ATM: variants seen among roughly 807,000 people sequenced by gnomAD.
ATM encodes ATM serine/threonine kinase.
A neutral mutation model predicts 387.0 loss-of-function variants in ATM; 308 were observed. That is an observed-to-expected ratio of 0.80 (90% confidence interval 0.73 to 0.87). The LOEUF is 0.87. Ranked by LOEUF, ATM falls within the 40% of genes least tolerant of loss-of-function variation. The pLI is 0.00. For missense variants in ATM, 3,312 were observed against 3,560.9 expected, an observed-to-expected ratio of 0.93 and a Z score of 1.78; for synonymous variants, 1,156 against 1,187.3, an observed-to-expected ratio of 0.97 and a Z score of 0.54.
intron 13 of ATM, among the ~76,000 whole-genome samples, chr11:108,255,582 C>T (rs1427758694): frequency 2.0e-5 from 3 of 151,724 alleles, no homozygotes; most frequent in Admixed American, 6.6e-5. Flanking sequence ...CCTGCCATCA[C>T]GCCCTGCTAA....
chr11:108,325,613 C>T, intron 46 of ATM, 69 bp downstream of exon 46: 5 of 1,312,796 alleles, frequency 3.8e-6, no homozygotes, highest in Non-Finnish European at 5.4e-6. Context: ...AAACAGAAAG[C>T]CTGAGGGAAA....
intron 39 of ATM, among the ~76,000 whole-genome samples, chr11:108,311,595 G>C (rs750662959): frequency 2.6e-4 from 39 of 152,062 alleles, no homozygotes; most frequent in Non-Finnish European, 5.6e-4. Flanking sequence ...CAACTCAGGA[G>C]GCTGAGGGAG....
chr11:108,296,979 A>G (rs955664867), intron 32 of ATM: 12 of 341,918 alleles, frequency 3.5e-5, no homozygotes, highest in Non-Finnish European at 5.0e-5. Flanking sequence ...AGTCCCTTCT[A>G]GCTTTAGTGT....
Position 108,295,010 on chromosome 11 carries a change from A to G in ATM, c.4860A>G (p.Gln1620=), listed in dbSNP as rs1057520446. ...RLEGLKDLRR[Q]LELHKDQMVD... ...AAGGACTAAAGGATCTTCGAAGACA[A>G]CTGGAACTACATAAAGATCAGATGG... Residue 1620 remains glutamine, a synonymous_variant, in exon 32 of 63, where the codon CAA becomes CAG. Transcript: ENST00000675843. 1 of 1,614,028 alleles carries G rather than the reference A, an allele frequency of 6.2e-7. No homozygotes were observed.
At chr11:108,259,185 A>G in intron 16 of ATM, 110 bp downstream of exon 16, 1 of 967,062 alleles carries the variant, frequency 1.0e-6, no homozygotes, top group Non-Finnish European at 1.6e-6. Context: ...AGCTCTTAAC[A>G]TTTTTACAAA....
chr11:108,293,734 C>T (rs2082942570), intron 31 of ATM, among the ~76,000 whole-genome samples: 2 of 151,192 alleles, frequency 1.3e-5, no homozygotes, highest in African/African-American at 2.4e-5. Flanking sequence ...AAAAATTAGT[C>T]GGGCATGGTG....
rs887280976 is a variant in ATM, at chr11:108,331,380, G to A, written c.7516-64G>A. 6.4e-6 allele frequency: 10 copies of A among 1,564,642 alleles called. No homozygotes were observed. In the African/African-American group the frequency reaches 1.4e-4, roughly 21 times the overall value. On this transcript the variant is annotated intron_variant, in intron 50 of 62. Transcript: ENST00000675843. ...AGCACTGTCTTAAAATAACTTACTT[G>A]CTTAGATGTGAGAATATTTGAAATA...
At position 108,365,219 on chromosome 11, in the gene ATM, G is replaced by A. The variant is rs786203631; in HGVS notation, c.8987+1G>A. The A allele has an allele frequency of 6.2e-7, 1 of 1,614,164 alleles. No individual in the cohort carries two copies. Among genetic ancestry groups the A allele is most frequent in the African/African-American group, 1.3e-5 (1 of 75,040 alleles). ...ACCAAGAATGCAAACGAAATCTCAG[G>A]TGAGCAGTATTTTAAGAAGGTCCTG... is the stretch of plus-strand genomic sequence containing the variant. On this transcript the variant is annotated splice_donor_variant, in intron 62 of 62. Transcript: ENST00000675843. LOFTEE classifies it high-confidence loss of function.
intron 5 of ATM, among the ~76,000 whole-genome samples, chr11:108,243,454 A>T (rs2079666759): frequency 6.6e-6 from 1 of 152,142 alleles, no homozygotes; most frequent in Non-Finnish European, 1.5e-5. Context: ...CTTTACTAAC[A>T]GTACAAAAAT....
At chr11:108,315,352 G>A (rs2084529130) in intron 40 of ATM, among the ~76,000 whole-genome samples, 1 of 152,116 alleles carries the variant, frequency 6.6e-6, no homozygotes, top group Non-Finnish European at 1.5e-5. Flanking sequence ...AAATAATGCT[G>A]TGTACAGTGT....
In ATM at chr11:108,271,398, A is replaced by G. The variant is rs778984289; in HGVS notation, c.3069A>G (p.Gly1023=). The G allele has an allele frequency of 6.2e-7, 1 of 1,614,026 alleles. No individual in the cohort carries two copies. The highest frequency in any genetic ancestry group is 2.2e-5 in the East Asian group (1 of 44,840). ...AAGGACAGTTTCTTACAGTAATTGG[A>G]GCATTTTGGTAGGTACAGTCTATTT... is the stretch of plus-strand genomic sequence containing the variant. The part of the protein sequence containing the change: ...DAQGQFLTVI[G]AFWHLTKERK... Residue 1023 remains glycine (G), a synonymous_variant, in exon 20 of 63, where the codon GGA becomes GGG. Transcript: ENST00000675843.
intron 9 of ATM, among the ~76,000 whole-genome samples, chr11:108,249,826 AC>A (rs1370050532): frequency 1.3e-5 from 2 of 152,296 alleles, no homozygotes; most frequent in East Asian, 3.9e-4. Context: ...TGATTTAGAT[AC>A]CTATTGCTTA....
At chr11:108,248,861 C>A (rs1324440556) in intron 8 of ATM, 72 bp from the exon 9 acceptor site, 1 of 1,353,442 alleles carries the variant, frequency 7.4e-7, no homozygotes, top group Non-Finnish European at 1.0e-6. Context: ...CCACTCCAAC[C>A]TGGGCAACAA....
chr11:108,307,416 G>A (rs917137327), intron 37 of ATM, among the ~76,000 whole-genome samples: 5 of 152,098 alleles, frequency 3.3e-5, no homozygotes, highest in Non-Finnish European at 5.9e-5. Flanking sequence ...CCAAAGTGCT[G>A]GGATTACAGG....
intron 57 of ATM, among the ~76,000 whole-genome samples, chr11:108,344,254 G>A (rs935962302): frequency 6.6e-6 from 1 of 152,130 alleles, no homozygotes; most frequent in African/African-American, 2.4e-5. Context: ...GGGGTGGGGA[G>A]AATAGACAGA....
intron 61 of ATM, among the ~76,000 whole-genome samples, chr11:108,364,034 C>T (rs888973096): frequency 4.6e-5 from 7 of 152,140 alleles, no homozygotes; most frequent in African/African-American, 1.7e-4. Context: ...GGACAAGCTA[C>T]ATGTAATCAA....
chr11:108,272,616 T>C lies in ATM; in HGVS notation c.3153+9T>C, dbSNP rs770464168. 1.9e-6 allele frequency: 3 copies of C among 1,613,498 alleles called. No individual in the cohort carries two copies. Among genetic ancestry groups the C allele is most frequent in the Non-Finnish European group, 2.5e-6 (3 of 1,179,482 alleles). On this transcript the variant is annotated intron_variant, in intron 21 of 62. Transcript: ENST00000675843. ...TTAAAACTTTGCTTGAGGTGAGTTTTTGCATTTTTTTAGTAAGATCTCCAT... is the reference window on the plus strand; with the variant it reads ...TTAAAACTTTGCTTGAGGTGAGTTTCTGCATTTTTTTAGTAAGATCTCCAT...
intron 61 of ATM, among the ~76,000 whole-genome samples, chr11:108,357,703 A>G (rs971677759): frequency 6.6e-6 from 1 of 152,162 alleles, no homozygotes; most frequent in East Asian, 1.9e-4. Context: ...CTCACACGGC[A>G]GGGTACTCCA....
In ATM at chr11:108,275,854, T is replaced by C. The variant is rs571261598; in HGVS notation, c.3284+3002T>C. On this transcript the variant is annotated intron_variant, in intron 22 of 62. Transcript: ENST00000675843. Reference sequence around the variant, plus strand: ...TGATTATGTGTCTTGGGGTTGCTCTTCTAGAGGAGTATCTTTGTGGTGGTC... The same window carrying C: ...TGATTATGTGTCTTGGGGTTGCTCTCCTAGAGGAGTATCTTTGTGGTGGTC... Among the ~76,000 whole-genome samples, 6 of 152,296 alleles carry C rather than the reference T, an allele frequency of 3.9e-5. No individual in the cohort carries two copies. In the East Asian group the frequency reaches 1.2e-3, roughly 29 times the overall value.
Sources: gnomAD v4.1 joint callset for allele counts (sites outside exome capture counted in the v4.1 genomes callset) on GRCh38, gnomAD v4.1.1 for gene constraint, MANE v1.5 for transcripts, NCBI Gene and HGNC (gene_info 2026-07-23, HGNC 2026-07-21) for gene names.